The following FAM171A1 variants were observed in gnomAD, a reference collection of about 807,000 sequenced individuals.
FAM171A1 encodes the protein family with sequence similarity 171 member A1, also known as protein FAM171A1.
A neutral mutation model predicts 74.9 loss-of-function variants in FAM171A1; 23 were observed. The ratio of observed to expected loss-of-function variants is 0.31; its 90% confidence interval spans 0.22 to 0.44. The LOEUF is 0.44. Ranked by LOEUF, FAM171A1 falls within the 20% of genes least tolerant of loss-of-function variation. The pLI, the probability that FAM171A1 is intolerant of heterozygous loss-of-function variation, is 1.00. For missense variants in FAM171A1, 1,162 were observed against 1,159.2 expected (o/e 1.00, Z -0.03); for synonymous variants, 527 against 505.7 (o/e 1.04, Z -0.57).
At chr10:15,350,316 T>C (rs915978252) in intron 1 of FAM171A1, among the ~76,000 whole-genome samples, 6 of 152,126 alleles carry the variant, frequency 3.9e-5, no homozygotes, top group Non-Finnish European at 7.3e-5. Context: ...CATCTCCTGC[T>C]CTATATCATT....
At position 15,248,786 on chromosome 10, in the gene FAM171A1, C is replaced by T. The variant is rs1213354898; in HGVS notation, c.607G>A (p.Val203Ile). The change falls in exon 5 of 8, where the codon GTC becomes ATC. Residue 203 changes from valine (V) to isoleucine (I), a missense_variant. By Grantham distance (29) the Val-to-Ile change is conservative (BLOSUM62 3). Transcript: ENST00000378116. Reference sequence around the variant, plus strand: ...AGCAAGTGGACGCTGACGGCTGTGACTGGGGTCAGGTCATGCCTGGTGCTG... The same window carrying T: ...AGCAAGTGGACGCTGACGGCTGTGATTGGGGTCAGGTCATGCCTGGTGCTG... ...GNSTRHDLTPVTAVSVHLLSS... is the reference protein window; with the variant it reads ...GNSTRHDLTPITAVSVHLLSS... 1.9e-6 allele frequency: 3 copies of T among 1,612,760 alleles called. No individual in the cohort carries two copies. Among genetic ancestry groups the T allele is most frequent in the Non-Finnish European group, 2.5e-6 (3 of 1,179,372 alleles).
intron 3 of FAM171A1, among the ~76,000 whole-genome samples, chr10:15,270,334 G>A (rs563276828): frequency 3.3e-5 from 5 of 152,210 alleles, no homozygotes; most frequent in Non-Finnish European, 7.3e-5. Context: ...TGGGGGAGGA[G>A]CATCTGCCAT....
intron 5 of FAM171A1, among the ~76,000 whole-genome samples, chr10:15,233,916 G>T (rs1314081037): frequency 8.0e-6 from 1 of 125,698 alleles, no homozygotes; most frequent in Admixed American, 7.7e-5. Flanking sequence ...AAAAAAAAAA[G>T]AACCACGACA....
At chr10:15,216,157 C>A in intron 6 of FAM171A1, 47 bp from the exon 7 acceptor site, 1 of 1,179,886 alleles carries the variant, frequency 8.5e-7, no homozygotes, top group South Asian at 1.4e-5. Flanking sequence ...ACCTTTAACT[C>A]AAAAGAGGGA....
At chr10:15,279,293 T>C (rs1834936079) in intron 2 of FAM171A1, among the ~76,000 whole-genome samples, 1 of 152,252 alleles carries the variant, frequency 6.6e-6, no homozygotes, top group Non-Finnish European at 1.5e-5. Flanking sequence ...TTCCTTGTTT[T>C]ACTTTTTTAG....
intron 1 of FAM171A1, among the ~76,000 whole-genome samples, chr10:15,309,973 T>C (rs755963635): frequency 6.6e-6 from 1 of 152,248 alleles, no homozygotes; most frequent in Non-Finnish European, 1.5e-5. Context: ...GTTTGTAGTC[T>C]CTGGTATTTT....
At chr10:15,354,204 G>C (rs1428605214) in intron 1 of FAM171A1, among the ~76,000 whole-genome samples, 1 of 152,074 alleles carries the variant, frequency 6.6e-6, no homozygotes, top group Non-Finnish European at 1.5e-5. Context: ...TGCATAAAAA[G>C]TGGTGGGCAG....
intron 5 of FAM171A1, among the ~76,000 whole-genome samples, chr10:15,244,837 G>A (rs564579772): frequency 6.6e-5 from 10 of 152,170 alleles, no homozygotes; most frequent in Non-Finnish European, 1.0e-4. Flanking sequence ...CCATTGCAAC[G>A]TGCACAATGT....
intron 3 of FAM171A1, among the ~76,000 whole-genome samples, chr10:15,272,960 C>T (rs1016241552): frequency 3.9e-5 from 6 of 151,996 alleles, no homozygotes; most frequent in African/African-American, 1.4e-4. Context: ...AAATTGACAC[C>T]CTAACATCAC....
At chr10:15,372,262 T>C (rs1462076933), upstream of FAM171A1, among the ~76,000 whole-genome samples, 2 of 152,158 alleles carry the variant, frequency 1.3e-5, no homozygotes, top group African/African-American at 4.8e-5. Flanking sequence ...TAGTTAGCAT[T>C]ATCCCCCCCA....
chr10:15,368,792 C>T (rs779380849), intron 1 of FAM171A1, among the ~76,000 whole-genome samples: 3 of 152,166 alleles, frequency 2.0e-5, no homozygotes, highest in African/African-American at 7.2e-5. Flanking sequence ...TTTAAAACTA[C>T]GTCATACTAC....
intron 1 of FAM171A1, among the ~76,000 whole-genome samples, chr10:15,334,304 T>C (rs1167880660): frequency 6.6e-6 from 1 of 152,156 alleles, no homozygotes; most frequent in Non-Finnish European, 1.5e-5. Context: ...GATACCATCA[T>C]CTCCTTGCAT....
intron 5 of FAM171A1, among the ~76,000 whole-genome samples, chr10:15,239,453 C>T (rs970436100): frequency 1.3e-5 from 2 of 152,062 alleles, no homozygotes; most frequent in Non-Finnish European, 2.9e-5. Context: ...CCCACCACCA[C>T]ACCCGGCTCC....
Position 15,275,863 on chromosome 10 carries a change from C to G in FAM171A1, c.410G>C (p.Gly137Ala). Reference protein sequence around the residue: ...VYEDVVQIVSGFQGARPQPRV... With the variant: ...VYEDVVQIVSAFQGARPQPRV... ...AAAAATATTAAATATACCTTGGAAT[C>G]CTGATACTATTTGGACGACATCTTC... The change falls in exon 3 of 8, where the codon GGA becomes GCA. Residue 137 changes from glycine (G) to alanine (A), a missense_variant. Coordinates refer to ENST00000378116, the MANE Select transcript of FAM171A1 (RefSeq NM_001010924.2). 1 of 1,604,704 alleles carries G rather than the reference C, an allele frequency of 6.2e-7. No homozygotes were observed. The highest frequency in any genetic ancestry group is 1.1e-5 in the South Asian group (1 of 89,352).
intron 1 of FAM171A1, among the ~76,000 whole-genome samples, chr10:15,290,300 C>A (rs1214791617): frequency 3.3e-5 from 5 of 152,050 alleles, no homozygotes; most frequent in African/African-American, 1.2e-4. Flanking sequence ...CTGACCCCAT[C>A]CCCTGCCCTC....
chr10:15,274,228 C>T (rs1388886050), intron 3 of FAM171A1, among the ~76,000 whole-genome samples: 2 of 152,060 alleles, frequency 1.3e-5, no homozygotes, highest in African/African-American at 2.4e-5. Context: ...ACAAGCATTC[C>T]TATACACCAA....
At chr10:15,329,545 G>A (rs758146554) in intron 1 of FAM171A1, among the ~76,000 whole-genome samples, 3 of 151,192 alleles carry the variant, frequency 2.0e-5, no homozygotes, top group Non-Finnish European at 2.9e-5. Flanking sequence ...AGGATCCCAT[G>A]AGCCCAGGAA....
intron 1 of FAM171A1, among the ~76,000 whole-genome samples, chr10:15,296,316 CTA>C (rs1482247827): frequency 2.6e-5 from 4 of 152,076 alleles, no homozygotes; most frequent in Middle Eastern, 3.4e-3. Context: ...AAAGTATAAT[CTA>C]TATGTTATGT....
chr10:15,346,987 T>C (rs1381540970), intron 1 of FAM171A1, among the ~76,000 whole-genome samples: 1 of 152,188 alleles, frequency 6.6e-6, no homozygotes, highest in African/African-American at 2.4e-5. Context: ...CTGGACATGG[T>C]GCAAAAAACA....
Sources: gnomAD v4.1 joint callset for allele counts (sites outside exome capture counted in the v4.1 genomes callset) on GRCh38, gnomAD v4.1.1 for gene constraint, MANE v1.5 for transcripts, NCBI Gene and HGNC (gene_info 2026-07-23, HGNC 2026-07-21) for gene names.